The following SORCS3 variants were observed in gnomAD, a reference collection of about 807,000 sequenced individuals.
SORCS3 encodes VPS10 domain-containing receptor SorCS3.
Under a neutral mutation model 146.3 loss-of-function variants are expected in SORCS3, and 57 were observed. The ratio of observed to expected loss-of-function variants is 0.39; its 90% CI spans 0.31 to 0.49. SORCS3 has a LOEUF of 0.49. SORCS3 is among the 20% of genes least tolerant of loss of function. The pLI, the probability that SORCS3 is intolerant of heterozygous loss-of-function variation, is 0.92. For missense variants in SORCS3, 1,341 were observed against 1,575.5 expected (o/e 0.85, Z 2.52); for synonymous variants, 653 against 618.5 (o/e 1.06, Z -0.83).
chr10:105,089,356 G>A (rs767937504), intron 5 of SORCS3, among the ~76,000 whole-genome samples: 3 of 152,188 alleles, frequency 2.0e-5, no homozygotes, highest in Non-Finnish European at 4.4e-5. Context: ...GAACAGGCAG[G>A]TAAAGTGGGA....
chr10:104,985,080 G>A (rs11192263), intron 4 of SORCS3, among the ~76,000 whole-genome samples: 1,977 of 152,170 alleles, frequency 0.013, 43 homozygotes, highest in African/African-American at 0.043. Context: ...TTCGTTTCAG[G>A]AAAGATTTTT....
At chr10:105,102,569 A>T (rs1024717638) in intron 6 of SORCS3, among the ~76,000 whole-genome samples, 4 of 152,152 alleles carry the variant, frequency 2.6e-5, no homozygotes. Context: ...TAGAAAAACT[A>T]TCGTGTGCTA....
chr10:104,682,275 G>A (rs1426379044), intron 1 of SORCS3, among the ~76,000 whole-genome samples: 1 of 152,234 alleles, frequency 6.6e-6, no homozygotes. Flanking sequence ...CTGGCCCAAA[G>A]TAGGTGTCTA....
At chr10:104,739,304 T>C (rs1415284816) in intron 1 of SORCS3, among the ~76,000 whole-genome samples, 2 of 152,200 alleles carry the variant, frequency 1.3e-5, no homozygotes, top group African/African-American at 4.8e-5. Context: ...TAAATAGGGA[T>C]CTTCAAAATA....
At chr10:104,890,487 A>G (rs1314424844) in intron 2 of SORCS3, among the ~76,000 whole-genome samples, 1 of 151,916 alleles carries the variant, frequency 6.6e-6, no homozygotes, top group African/African-American at 2.4e-5. Flanking sequence ...AATCCCTTTT[A>G]GTGTACTTTT....
chr10:105,256,071 T>C (rs2056929757), intron 24 of SORCS3, among the ~76,000 whole-genome samples: 1 of 152,230 alleles, frequency 6.6e-6, no homozygotes, highest in Non-Finnish European at 1.5e-5. Context: ...CTTAACCTTA[T>C]TCGTTTGTTT....
At chr10:105,156,021 T>C (rs2056205598) in intron 9 of SORCS3, among the ~76,000 whole-genome samples, 1 of 152,212 alleles carries the variant, frequency 6.6e-6, no homozygotes, top group Non-Finnish European at 1.5e-5. Context: ...ATAAGCTCAC[T>C]TCTGTGAAAC....
chr10:104,881,053 A>G (rs1301826417), intron 2 of SORCS3, among the ~76,000 whole-genome samples: 1 of 152,204 alleles, frequency 6.6e-6, no homozygotes, highest in Non-Finnish European at 1.5e-5. Flanking sequence ...CTCCAACTTC[A>G]GCATCATTTA....
At chr10:105,086,338 G>T (rs1479158726) in intron 5 of SORCS3, among the ~76,000 whole-genome samples, 1 of 152,194 alleles carries the variant, frequency 6.6e-6, no homozygotes, top group Non-Finnish European at 1.5e-5. Context: ...CCACTCTAGT[G>T]AGCCAAGAGC....
At chr10:105,227,773 G>T (rs2056742485) in intron 20 of SORCS3, among the ~76,000 whole-genome samples, 1 of 151,866 alleles carries the variant, frequency 6.6e-6, no homozygotes, top group Non-Finnish European at 1.5e-5. Context: ...TTGCTGAATT[G>T]ATCCCTTTAT....
chr10:105,189,831 C>G (rs1227729810), intron 14 of SORCS3, among the ~76,000 whole-genome samples: 1 of 152,136 alleles, frequency 6.6e-6, no homozygotes, highest in Non-Finnish European at 1.5e-5. Flanking sequence ...TCTGTTTGTT[C>G]TTTTGTATGC....
At chr10:105,108,716 A>G (rs779498208) in intron 7 of SORCS3, among the ~76,000 whole-genome samples, 2 of 143,680 alleles carry the variant, frequency 1.4e-5, no homozygotes, top group Non-Finnish European at 3.0e-5. Flanking sequence ...AACTTGAGAA[A>G]AACATTGGAT....
intron 16 of SORCS3, among the ~76,000 whole-genome samples, chr10:105,207,932 C>T (rs939232253): frequency 6.6e-6 from 1 of 152,084 alleles, no homozygotes; most frequent in Non-Finnish European, 1.5e-5. Flanking sequence ...TACCAGTAAT[C>T]CCTAGGGTTA....
intron 6 of SORCS3, among the ~76,000 whole-genome samples, chr10:105,090,671 C>T (rs1346640492): frequency 3.3e-5 from 5 of 152,120 alleles, no homozygotes; most frequent in African/African-American, 9.7e-5. Context: ...TTGGGGTACT[C>T]GGCTCTGTTA....
chr10:105,256,337 A>T (rs2056931017), intron 24 of SORCS3, among the ~76,000 whole-genome samples: 1 of 152,232 alleles, frequency 6.6e-6, no homozygotes, highest in Non-Finnish European at 1.5e-5. Flanking sequence ...AAGCCTGTTT[A>T]TTAAATGGTT....
intron 1 of SORCS3, among the ~76,000 whole-genome samples, chr10:104,831,499 G>A (rs2018000669): frequency 6.6e-6 from 1 of 152,120 alleles, no homozygotes; most frequent in African/African-American, 2.4e-5. Context: ...AAAGAAAGAA[G>A]CACTAAATGC....
At chr10:104,700,499 C>T (rs1018672141) in intron 1 of SORCS3, among the ~76,000 whole-genome samples, 1 of 152,072 alleles carries the variant, frequency 6.6e-6, no homozygotes, top group East Asian at 1.9e-4. Flanking sequence ...TCATTTTATC[C>T]CTGAAATTGT....
At chr10:104,803,890 T>C (rs535510434) in intron 1 of SORCS3, among the ~76,000 whole-genome samples, 15 of 152,308 alleles carry the variant, frequency 9.8e-5, no homozygotes, top group Non-Finnish European at 1.9e-4. Flanking sequence ...CTAAATTTAC[T>C]GCTGTCACAG....
At chr10:104,927,514 T>A (rs1039134031) in intron 3 of SORCS3, among the ~76,000 whole-genome samples, 8 of 152,168 alleles carry the variant, frequency 5.3e-5, no homozygotes, top group Non-Finnish European at 7.4e-5. Context: ...TGAACATTGA[T>A]GGGGGCTTCT....
Sources: allele counts gnomAD v4.1 joint callset (sites outside exome capture counted in the v4.1 genomes callset), GRCh38; gene constraint gnomAD v4.1.1; transcripts MANE v1.5; gene names NCBI Gene and HGNC (gene_info 2026-07-23, HGNC 2026-07-21).